Variants in CHCHD6 observed in about 807,000 individuals in gnomAD.
The protein encoded by CHCHD6 is coiled-coil-helix-coiled-coil-helix domain containing 6.
A neutral mutation model predicts 32.3 loss-of-function variants in CHCHD6; 28 were observed. The observed-to-expected ratio is 0.87, with a 90% CI of 0.64 to 1.19. CHCHD6 has a LOEUF of 1.19. Among genes scored for constraint, CHCHD6 ranks in the 50% most tolerant of loss-of-function variants. The pLI, the probability that CHCHD6 is intolerant of heterozygous loss-of-function variation, is 0.00. For synonymous variants in CHCHD6, 122 were observed against 117.5 expected (o/e 1.04, Z -0.25); for missense variants, 333 against 307.0 (o/e 1.08, Z -0.63).
At chr3:126,900,425 A>T (rs1318099381) in intron 5 of CHCHD6, among the ~76,000 whole-genome samples, 1 of 152,160 alleles carries the variant, frequency 6.6e-6, no homozygotes, top group Non-Finnish European at 1.5e-5. Context: ...TAATTAATAA[A>T]GAAAAGAGGT....
chr3:126,725,893 C>G (rs1935511286), intron 1 of CHCHD6, among the ~76,000 whole-genome samples: 1 of 152,224 alleles, frequency 6.6e-6, no homozygotes, highest in African/African-American at 2.4e-5. Flanking sequence ...GAGCCTTGGG[C>G]TTGATTAGGC....
In CHCHD6 at chr3:126,912,214, A is replaced by T. The variant is rs539659906; in HGVS notation, c.496-2466A>T. On this transcript the variant is annotated intron_variant, in intron 5 of 7. Coordinates refer to ENST00000290913, the MANE Select transcript of CHCHD6 (RefSeq NM_032343.3). ...CTGTGGTCCATGCCATCTCCTGATG[A>T]GGTCTCATGAAGGGGAACTTCAGAC... Among the ~76,000 whole-genome samples, 6 of 152,316 alleles carry T rather than the reference A, an allele frequency of 3.9e-5. No individual in the cohort carries two copies. The South Asian group carries it at 1.0e-3, about 26-fold the overall frequency.
chr3:126,912,882 G>A (rs1374336460), intron 5 of CHCHD6, among the ~76,000 whole-genome samples: 1 of 152,222 alleles, frequency 6.6e-6, no homozygotes, highest in East Asian at 1.9e-4. Flanking sequence ...TTAGAGGTGG[G>A]GGGTCCATCC....
At chr3:126,722,179 C>G (rs1385774301) in intron 1 of CHCHD6, among the ~76,000 whole-genome samples, 2 of 152,202 alleles carry the variant, frequency 1.3e-5, no homozygotes, top group Non-Finnish European at 2.9e-5. Flanking sequence ...TATTTAGAAA[C>G]AGAGCCTCAC....
intron 1 of CHCHD6, among the ~76,000 whole-genome samples, chr3:126,710,367 C>T (rs745884754): frequency 6.6e-5 from 10 of 152,072 alleles, no homozygotes; most frequent in South Asian, 2.1e-4. Context: ...AAAATTGGGA[C>T]GTGTAAGGCC....
intron 1 of CHCHD6, among the ~76,000 whole-genome samples, chr3:126,705,972 T>C (rs540375861): frequency 6.6e-6 from 1 of 152,358 alleles, no homozygotes; most frequent in East Asian, 1.9e-4. Context: ...TGGTGCTTGC[T>C]AGGCGTTGTA....
intron 5 of CHCHD6, among the ~76,000 whole-genome samples, chr3:126,863,998 T>TCC (rs1576519431): frequency 7.1e-6 from 1 of 140,462 alleles, no homozygotes; most frequent in East Asian, 2.3e-4. Context: ...CATCACTACC[T>TCC]TCTCCCCCAC....
intron 4 of CHCHD6, among the ~76,000 whole-genome samples, chr3:126,788,000 A>G (rs1418696381): frequency 6.6e-6 from 1 of 152,146 alleles, no homozygotes; most frequent in Non-Finnish European, 1.5e-5. Context: ...GATACGTCCC[A>G]TCAATACCTA....
At chr3:126,853,334 G>A (rs1941544254) in intron 5 of CHCHD6, among the ~76,000 whole-genome samples, 1 of 151,568 alleles carries the variant, frequency 6.6e-6, no homozygotes, top group Non-Finnish European at 1.5e-5. Context: ...TTAATTTGTG[G>A]ATCATGACAG....
chr3:126,882,152 CG>C (rs2077619283), intron 5 of CHCHD6, among the ~76,000 whole-genome samples: 1 of 152,188 alleles, frequency 6.6e-6, no homozygotes, highest in Non-Finnish European at 1.5e-5. Context: ...CCGTCAGGGG[CG>C]TCTGCCAGAT....
intron 7 of CHCHD6, among the ~76,000 whole-genome samples, chr3:126,958,423 G>A (rs1428363633): frequency 6.6e-6 from 1 of 152,236 alleles, no homozygotes; most frequent in Non-Finnish European, 1.5e-5. Flanking sequence ...TTTGGCCTGA[G>A]TAGGAGACAG....
intron 4 of CHCHD6, among the ~76,000 whole-genome samples, chr3:126,771,768 A>G (rs1307592366): frequency 6.6e-6 from 1 of 152,178 alleles, no homozygotes; most frequent in East Asian, 1.9e-4. Context: ...TGATGTGGGT[A>G]TCTAGTGCTA....
intron 4 of CHCHD6, among the ~76,000 whole-genome samples, chr3:126,764,039 T>C (rs1937259124): frequency 6.6e-6 from 1 of 151,932 alleles, no homozygotes; most frequent in African/African-American, 2.4e-5. Flanking sequence ...GCTCCCCTAT[T>C]TATGTTATCG....
chr3:126,706,884 C>A (rs1280480195), intron 1 of CHCHD6, among the ~76,000 whole-genome samples: 3 of 152,118 alleles, frequency 2.0e-5, no homozygotes, highest in Admixed American at 2.0e-4. Context: ...TCTGCCCCAG[C>A]TTCTTTAGAG....
intron 1 of CHCHD6, among the ~76,000 whole-genome samples, chr3:126,720,318 A>G (rs938443331): frequency 6.6e-6 from 1 of 152,154 alleles, no homozygotes; most frequent in African/African-American, 2.4e-5. Flanking sequence ...CCTCATCCAC[A>G]TAGATCCCAG....
intron 4 of CHCHD6, among the ~76,000 whole-genome samples, chr3:126,821,362 T>C (rs1412645649): frequency 6.6e-6 from 1 of 152,220 alleles, no homozygotes; most frequent in African/African-American, 2.4e-5. Context: ...AGTGGCACAA[T>C]CTTGGCTCAT....
intron 5 of CHCHD6, among the ~76,000 whole-genome samples, chr3:126,881,133 C>T (rs763515099): frequency 4.6e-5 from 7 of 152,274 alleles, no homozygotes; most frequent in Admixed American, 1.3e-4. Context: ...GGCTGCCAAG[C>T]CCGCATATGG....
chr3:126,911,944 G>A (rs2078096754), intron 5 of CHCHD6, among the ~76,000 whole-genome samples: 1 of 152,224 alleles, frequency 6.6e-6, no homozygotes, highest in Non-Finnish European at 1.5e-5. Context: ...GAGAAGGTCT[G>A]AGCCATGAGG....
At chr3:126,871,683 T>G (rs890719413) in intron 5 of CHCHD6, among the ~76,000 whole-genome samples, 7 of 143,796 alleles carry the variant, frequency 4.9e-5, no homozygotes, top group Non-Finnish European at 1.1e-4. Flanking sequence ...TTTTTTTTTT[T>G]GAGTCGGCGT....
Sources: allele counts gnomAD v4.1 joint callset (sites outside exome capture counted in the v4.1 genomes callset), GRCh38; gene constraint gnomAD v4.1.1; transcripts MANE v1.5; gene names NCBI Gene and HGNC (gene_info 2026-07-23, HGNC 2026-07-21).